The following ULK4 variants were observed in gnomAD, a reference collection of about 807,000 sequenced individuals.
The protein encoded by ULK4 is inactive serine/threonine-protein kinase ULK4.
A neutral mutation model predicts 160.6 loss-of-function variants in ULK4; 133 were observed. The ratio of observed to expected loss-of-function variants is 0.83; its 90% CI spans 0.72 to 0.96. The LOEUF (loss-of-function observed/expected upper bound fraction) is 0.96, where lower values mean the gene tolerates loss of function less well. Among genes scored for constraint, ULK4 ranks in the 40% least tolerant of loss-of-function variants. The probability of loss-of-function intolerance (pLI) is 0.00; values close to 1 mark genes in which losing one functional copy is unlikely to be tolerated. For missense variants in ULK4, 1,580 were observed against 1,499.5 expected, an observed-to-expected ratio of 1.05 and a Z score of -0.89; for synonymous variants, 534 against 539.8, an observed-to-expected ratio of 0.99 and a Z score of 0.15.
intron 32 of ULK4, among the ~76,000 whole-genome samples, chr3:41,492,295 A>G (rs1042927116): frequency 6.6e-6 from 1 of 152,194 alleles, no homozygotes; most frequent in Non-Finnish European, 1.5e-5. Context: ...TAGATCCCTG[A>G]GGAATCGCCA....
At chr3:41,595,661 A>G (rs1170395763) in intron 31 of ULK4, among the ~76,000 whole-genome samples, 2 of 152,200 alleles carry the variant, frequency 1.3e-5, no homozygotes, top group East Asian at 1.9e-4. Context: ...AAGCCAACAC[A>G]GAAGAATGTC....
chr3:41,407,091 TA>T (rs2082308885), intron 34 of ULK4, among the ~76,000 whole-genome samples: 1 of 152,066 alleles, frequency 6.6e-6, no homozygotes, highest in African/African-American at 2.4e-5. Context: ...CTAGAGTTGA[TA>T]AGACAAAGTA....
chr3:41,333,853 G>A (rs1252715519), intron 35 of ULK4, among the ~76,000 whole-genome samples: 1 of 152,168 alleles, frequency 6.6e-6, no homozygotes, highest in South Asian at 2.1e-4. Flanking sequence ...AGTCTGGACT[G>A]TGGCTCAACT....
At chr3:41,431,938 G>A (rs755274544) in intron 34 of ULK4, among the ~76,000 whole-genome samples, 10 of 151,140 alleles carry the variant, frequency 6.6e-5, no homozygotes, top group South Asian at 2.1e-4. Flanking sequence ...TACAGGCGCC[G>A]GCCACCACGC....
chr3:41,255,412 G>C (rs993003085), intron 35 of ULK4, among the ~76,000 whole-genome samples: 1 of 152,182 alleles, frequency 6.6e-6, no homozygotes, highest in Non-Finnish European at 1.5e-5. Flanking sequence ...GAACCCGGGA[G>C]GCGGAGGTTG....
chr3:41,738,320 T>C (rs1353302194), intron 22 of ULK4, among the ~76,000 whole-genome samples: 2 of 151,916 alleles, frequency 1.3e-5, no homozygotes, highest in East Asian at 3.9e-4. Flanking sequence ...TGGGTGCTAT[T>C]GACTTGGCAA....
At chr3:41,649,181 T>G (rs192680687) in intron 30 of ULK4, among the ~76,000 whole-genome samples, 225 of 151,790 alleles carry the variant, frequency 1.5e-3, no homozygotes, top group African/African-American at 5.3e-3. Flanking sequence ...TACTCAACTT[T>G]GCCACTGTAA....
intron 32 of ULK4, among the ~76,000 whole-genome samples, chr3:41,546,855 T>C (rs191288591): frequency 2.0e-5 from 3 of 151,982 alleles, no homozygotes; most frequent in East Asian, 1.9e-4. Flanking sequence ...AGCCTTATTC[T>C]GTCTATGTTA....
intron 32 of ULK4, among the ~76,000 whole-genome samples, chr3:41,564,096 A>AT (rs1430327929): frequency 2.0e-5 from 3 of 151,828 alleles, no homozygotes; most frequent in African/African-American, 7.3e-5. Context: ...CTGTTTGTTA[A>AT]TTTTCCTTCT....
At chr3:41,250,101 A>ACT (rs2078717966) in intron 35 of ULK4, among the ~76,000 whole-genome samples, 1 of 152,092 alleles carries the variant, frequency 6.6e-6, no homozygotes, top group African/African-American at 2.4e-5. Context: ...CCTATGAGAA[A>ACT]AACACTTGGG....
At chr3:41,937,400 T>C in intron 3 of ULK4, 1 of 666,484 alleles carries the variant, frequency 1.5e-6, no homozygotes, top group South Asian at 1.6e-5. Flanking sequence ...TCTTTAAGTT[T>C]TATAAATTCT....
intron 20 of ULK4, among the ~76,000 whole-genome samples, chr3:41,797,020 C>A (rs973931592): frequency 6.6e-6 from 1 of 152,142 alleles, no homozygotes; most frequent in Non-Finnish European, 1.5e-5. Flanking sequence ...TAAGCAGTAG[C>A]AGTAATAGTA....
chr3:41,724,915 T>G (rs559866490), intron 22 of ULK4, among the ~76,000 whole-genome samples: 1 of 152,336 alleles, frequency 6.6e-6, no homozygotes, highest in South Asian at 2.1e-4. Flanking sequence ...TAACCAGTTT[T>G]GTAAACTGTT....
At chr3:41,471,178 C>T (rs866588226) in intron 32 of ULK4, among the ~76,000 whole-genome samples, 6 of 151,620 alleles carry the variant, frequency 4.0e-5, no homozygotes, top group African/African-American at 1.2e-4. Flanking sequence ...CAAAGGGAAA[C>T]CAAAAGAGGG....
intron 34 of ULK4, among the ~76,000 whole-genome samples, chr3:41,411,247 TG>T (rs759310304): frequency 6.6e-6 from 1 of 151,946 alleles, no homozygotes; most frequent in African/African-American, 2.4e-5. Context: ...TTCAGGGAAG[TG>T]GGGGGTCTAG....
At chr3:41,254,793 G>A (rs1324432414) in intron 35 of ULK4, among the ~76,000 whole-genome samples, 1 of 151,722 alleles carries the variant, frequency 6.6e-6, no homozygotes, top group East Asian at 1.9e-4. Flanking sequence ...TGAGGCAGGA[G>A]AATTGCTTGA....
chr3:41,664,483 AG>A (rs894947980), intron 29 of ULK4, among the ~76,000 whole-genome samples: 2 of 152,198 alleles, frequency 1.3e-5, no homozygotes, highest in African/African-American at 4.8e-5. Flanking sequence ...TTTCTGCCCA[AG>A]GAAGTCTATG....
chr3:41,774,141 C>T (rs1234272171), intron 21 of ULK4, among the ~76,000 whole-genome samples: 2 of 151,998 alleles, frequency 1.3e-5, no homozygotes, highest in African/African-American at 2.4e-5. Context: ...CTAGGCATTA[C>T]CATTCAGGAC....
Position 41,312,633 on chromosome 3 carries a change from G to GA in ULK4, c.3679-63060dup, listed in dbSNP as rs942844274. On this transcript the variant is annotated intron_variant, in intron 35 of 36. Transcript: ENST00000301831. ...AACACAGGGAGACCTCATCTCTACA[G>GA]AAAAAAAACAAAAACAAACAAACAA... Among the ~76,000 whole-genome samples the GA allele has an allele frequency of 6.1e-5, 9 of 148,702 alleles. 1 individual carries two copies. The highest frequency in any genetic ancestry group is 4.2e-4 in the South Asian group (2 of 4,718).
Sources: gnomAD v4.1 joint callset for allele counts (sites outside exome capture counted in the v4.1 genomes callset) on GRCh38, gnomAD v4.1.1 for gene constraint, MANE v1.5 for transcripts, NCBI Gene and HGNC (gene_info 2026-07-23, HGNC 2026-07-21) for gene names.